The following PLEKHA5 variants were observed in gnomAD, a reference collection of about 807,000 sequenced individuals.
PLEKHA5 encodes pleckstrin homology domain-containing family A member 5.
A neutral mutation model predicts 181.9 loss-of-function variants in PLEKHA5; 55 were observed. The observed-to-expected ratio is 0.30, with a 90% CI of 0.24 to 0.38. The LOEUF (loss-of-function observed/expected upper bound fraction) is 0.38, where lower values mean the gene tolerates loss of function less well. Ranked by LOEUF, PLEKHA5 falls within the 10% of genes least tolerant of loss-of-function variation. The pLI, the probability that PLEKHA5 is intolerant of heterozygous loss-of-function variation, is 1.00. For synonymous variants in PLEKHA5, 535 were observed against 529.4 expected (o/e 1.01, Z -0.15); for missense variants, 1,432 against 1,549.5 (o/e 0.92, Z 1.27).
chr12:19,215,185 A>C (rs1331380367), intron 3 of PLEKHA5, among the ~76,000 whole-genome samples: 1 of 152,160 alleles, frequency 6.6e-6, no homozygotes, highest in Non-Finnish European at 1.5e-5. Context: ...TCAAAAAAAA[A>C]AAATTGCTCT....
chr12:19,278,538 C>G (rs2075219884), intron 11 of PLEKHA5, among the ~76,000 whole-genome samples: 2 of 152,118 alleles, frequency 1.3e-5, no homozygotes, highest in Admixed American at 6.6e-5. Context: ...AATGACCAAA[C>G]AAACCAAGGT....
chr12:19,321,437 C>G (rs2090795540), intron 18 of PLEKHA5: 1 of 136,018 alleles, frequency 7.4e-6, no homozygotes, highest in Non-Finnish European at 1.5e-5. Flanking sequence ...GATCTCAACT[C>G]ACTGCAACCT....
At chr12:19,275,864 G>A (rs1216003590) in intron 11 of PLEKHA5, among the ~76,000 whole-genome samples, 1 of 152,054 alleles carries the variant, frequency 6.6e-6, no homozygotes, top group Non-Finnish European at 1.5e-5. Context: ...TATGCTAATT[G>A]TGGGACCGCA....
chr12:19,173,728 T>C (rs147060049), intron 3 of PLEKHA5, among the ~76,000 whole-genome samples: 67 of 152,328 alleles, frequency 4.4e-4, no homozygotes, highest in African/African-American at 1.6e-3. Flanking sequence ...GTGTCATGTT[T>C]GATTTCTTGT....
At position 19,375,541 on chromosome 12, in the gene PLEKHA5, T is replaced by G. The variant is rs897166764; in HGVS notation, c.*22T>G. 1 of 152,624 alleles carries G rather than the reference T, an allele frequency of 6.6e-6. No homozygotes were observed. The highest frequency in any genetic ancestry group is 2.4e-5 in the African/African-American group (1 of 41,458). The allele number at this position is 152,624 out of a possible 1,614,324, so 9.5% of individuals were successfully genotyped here. ...TCTCTTATTTTTCAGCTATACTGAC[T>G]TCTGTTGAAACCATTCAAAGCTAAA... On this transcript the variant is annotated 3_prime_UTR_variant, in exon 32 of 32. Transcript: ENST00000429027.
Position 19,274,659 on chromosome 12 carries a change from C to G in PLEKHA5, c.989C>G (p.Ala330Gly), listed in dbSNP as rs759970170. Reference protein sequence around the residue: ...SKIEEKKALEAEKYGFQKDGQ... With the variant: ...SKIEEKKALEGEKYGFQKDGQ... Reference sequence around the variant, plus strand: ...ATTGAAGAAAAAAAGGCATTAGAAGCTGAAAAATATGGATTTCAGAAGGAT... The same window carrying G: ...ATTGAAGAAAAAAAGGCATTAGAAGGTGAAAAATATGGATTTCAGAAGGAT... The change falls in exon 11 of 32, where the codon GCT (alanine) becomes GGT (glycine). Residue 330 changes from alanine to glycine, a missense_variant. Transcript: ENST00000429027. 15 of 1,613,706 alleles carry G rather than the reference C, an allele frequency of 9.3e-6. No individual in the cohort carries two copies. In the Admixed American group the frequency reaches 2.3e-4, roughly 25 times the overall value.
chr12:19,302,978 G>A (rs1453947194), intron 15 of PLEKHA5, among the ~76,000 whole-genome samples: 3 of 124,152 alleles, frequency 2.4e-5, no homozygotes, highest in Non-Finnish European at 4.8e-5. Flanking sequence ...CTGGAGTGCA[G>A]CAGCGCCATC....
At chr12:19,168,049 T>A (rs969378392) in intron 3 of PLEKHA5, among the ~76,000 whole-genome samples, 1 of 152,188 alleles carries the variant, frequency 6.6e-6, no homozygotes, top group Non-Finnish European at 1.5e-5. Context: ...TTCATACTGG[T>A]TGAGAGCTTC....
At chr12:19,145,191 T>TGA (rs1014223577) in intron 3 of PLEKHA5, among the ~76,000 whole-genome samples, 4 of 151,606 alleles carry the variant, frequency 2.6e-5, no homozygotes, top group Non-Finnish European at 5.9e-5. Flanking sequence ...TGTGTGTGTG[T>TGA]GAGAGAGAGA....
Position 19,369,798 on chromosome 12 carries a change from A to G in PLEKHA5, c.*11A>G. 6.5e-7 allele frequency: 1 copy of G among 1,535,232 alleles called. No homozygotes were observed. The highest frequency in any genetic ancestry group is 8.9e-7 in the Non-Finnish European group (1 of 1,118,678). On this transcript the variant is annotated splice_region_variant and 3_prime_UTR_variant, in exon 31 of 32. Coordinates refer to ENST00000429027, the MANE Select transcript of PLEKHA5 (RefSeq NM_001256470.2). ...TTCATGTGTGTGTAGTCTTAGAAGA[A>G]GTACGTCATTTCCCTTTGCATTTGT...
In PLEKHA5 at chr12:19,277,022, G is replaced by C. The variant is rs530886047; in HGVS notation, c.1313+2039G>C. ...CCAAAATCATAAATAAAAGAATTAA[G>C]GCATAGATGAATAAAAATTAGATTA... On this transcript the variant is annotated intron_variant, in intron 11 of 31. Transcript: ENST00000429027. Among the ~76,000 whole-genome samples, 150 of 152,060 alleles carry C rather than the reference G, an allele frequency of 9.9e-4. 1 individual carries two copies. Among genetic ancestry groups the C allele is most frequent in the African/African-American group, 3.4e-3 (141 of 41,454 alleles).
chr12:19,220,340 A>G (rs556738333), intron 3 of PLEKHA5, among the ~76,000 whole-genome samples: 20 of 152,116 alleles, frequency 1.3e-4, no homozygotes, highest in African/African-American at 4.6e-4. Flanking sequence ...AATGCCCAAT[A>G]CTTCCTGAGA....
chr12:19,254,238 T>G (rs1019624196), intron 4 of PLEKHA5, among the ~76,000 whole-genome samples: 4 of 152,182 alleles, frequency 2.6e-5, no homozygotes, highest in Admixed American at 2.6e-4. Context: ...TTATAGTACT[T>G]CAAACGCAGT....
At chr12:19,303,163 C>G (rs1352478493) in intron 15 of PLEKHA5, among the ~76,000 whole-genome samples, 1 of 151,770 alleles carries the variant, frequency 6.6e-6, no homozygotes, top group Non-Finnish European at 1.5e-5. Flanking sequence ...CTCAGGTGAT[C>G]CACCCACCTC....
At chr12:19,253,912 T>G in intron 3 of PLEKHA5, 28 bp from the exon 4 acceptor site, 1 of 1,256,602 alleles carries the variant, frequency 8.0e-7, no homozygotes, top group Non-Finnish European at 1.2e-6. Flanking sequence ...TACCTGCATG[T>G]TCTGTTTTTC....
chr12:19,333,225 C>T (rs979448679), intron 20 of PLEKHA5, among the ~76,000 whole-genome samples: 3 of 152,074 alleles, frequency 2.0e-5, no homozygotes, highest in African/African-American at 7.2e-5. Flanking sequence ...GCAGAGGTTG[C>T]GATGAGCTGA....
At chr12:19,157,097 T>TACACACACACACACACACAC (rs3056384) in intron 3 of PLEKHA5, among the ~76,000 whole-genome samples, 71 of 143,292 alleles carry the variant, frequency 5.0e-4, no homozygotes, top group African/African-American at 6.3e-4. Context: ...TATATGTACA[T>TACACACACACACACACACAC]ACACACACAC....
chr12:19,254,964 G>A lies in PLEKHA5; in HGVS notation c.312-81G>A, dbSNP rs376678814. ...AGTACTGTGAAAAAGTAGGACACTCGCATTGTTAACTGTAGAGAAGTGTAA... is the reference window on the plus strand; with the variant it reads ...AGTACTGTGAAAAAGTAGGACACTCACATTGTTAACTGTAGAGAAGTGTAA... On this transcript the variant is annotated intron_variant, in intron 4 of 31. Coordinates refer to ENST00000429027, the MANE Select transcript of PLEKHA5 (RefSeq NM_001256470.2). The A allele has an allele frequency of 1.1e-3, 1,285 of 1,203,264 alleles. 2 individuals carry two copies. Among genetic ancestry groups the A allele is most frequent in the Non-Finnish European group, 1.3e-3 (1,153 of 877,302 alleles). 74.5% of individuals were successfully genotyped at this position (1,203,264 alleles called of 1,614,324 possible).
intron 3 of PLEKHA5, among the ~76,000 whole-genome samples, chr12:19,165,792 T>G (rs2044220519): frequency 6.6e-6 from 1 of 152,168 alleles, no homozygotes; most frequent in South Asian, 2.1e-4. Flanking sequence ...GCCAGACCAC[T>G]TTGGGGGTGC....
Sources: gnomAD v4.1 joint callset for allele counts (sites outside exome capture counted in the v4.1 genomes callset) on GRCh38, gnomAD v4.1.1 for gene constraint, MANE v1.5 for transcripts, NCBI Gene and HGNC (gene_info 2026-07-23, HGNC 2026-07-21) for gene names.